TTN: variants seen among roughly 807,000 people sequenced by gnomAD.
TTN encodes the protein connectin.
A neutral mutation model predicts 3,223.0 loss-of-function variants in TTN; 1,525 were observed. That is an observed-to-expected ratio of 0.47 (90% CI 0.45 to 0.49). The LOEUF (loss-of-function observed/expected upper bound fraction) is 0.49. Ranked by LOEUF, TTN falls within the 20% of genes least tolerant of loss-of-function variation. The probability of loss-of-function intolerance (pLI) is 0.00; values close to 1 mark genes in which losing one functional copy is unlikely to be tolerated. For missense variants in TTN, 40,786 were observed against 43,424.0 expected (o/e 0.94, Z 5.40); for synonymous variants, 14,094 against 15,161.0 (o/e 0.93, Z 5.17).
Position 178,616,642 on chromosome 2 carries a change from T to C in TTN, c.48161-12A>G. 6.2e-7 allele frequency: 1 copy of C among 1,611,988 alleles called. No individual in the cohort carries two copies. The highest frequency in any genetic ancestry group is 1.7e-5 in the Admixed American group (1 of 59,820). On this transcript the variant is annotated splice_polypyrimidine_tract_variant and intron_variant, in intron 256 of 362. Transcript: ENST00000589042. Reference sequence around the variant, plus strand: ...TGCACTTGGGCGAGCTGAAAAAAAATGCACTCACGAGTCACTGTTAATAGT... The same window carrying C: ...TGCACTTGGGCGAGCTGAAAAAAAACGCACTCACGAGTCACTGTTAATAGT...
rs1282910964 is a variant in TTN at position 178,667,305 on chromosome 2, T to C, written c.35728A>G (p.Arg11910Gly). The change falls in exon 162 of 363, where the codon AGA (arginine) becomes GGA (glycine). Residue 11910 changes from arginine to glycine, a missense_variant. Arg to Gly is a moderately radical substitution (Grantham distance 125). Coordinates refer to ENST00000589042, the MANE Select transcript of TTN (RefSeq NM_001267550.2). ...GGCTCCACCTCTGGAAAAATGCCTC[T>C]GGTTGTATCAGGTTCTTTAAAGATA... ...TPATKEPDTT[R>G]GIFPEVEPPE... 3 of 1,603,650 alleles carry C rather than the reference T, an allele frequency of 1.9e-6. No homozygotes were observed. The highest frequency in any genetic ancestry group is 2.2e-5 in the East Asian group (1 of 44,654).
Position 178,552,296 on chromosome 2 carries a change from A to AACT in TTN, c.90603_90604insAGT (p.Lys30201_Tyr30202insSer). The AACT allele has an allele frequency of 6.2e-7, 1 of 1,613,042 alleles. No individual in the cohort carries two copies. The highest frequency in any genetic ancestry group is 8.5e-7 in the Non-Finnish European group (1 of 1,179,508). On this transcript the variant is annotated inframe_insertion, in exon 335 of 363. Coordinates refer to ENST00000589042, the MANE Select transcript of TTN (RefSeq NM_001267550.2). The stretch of plus-strand genomic sequence containing the variant: ...ACTGCATTATCAAGAATAACAGTGT[A>AACT]TTTTCCTCCATGCTCCTTCTTGGCA...
chr2:178,558,840 A>T (rs1003996883), intron 326 of TTN: 2 of 547,402 alleles, frequency 3.7e-6, no homozygotes, highest in African/African-American at 2.0e-5. Context: ...ATAGCATTCA[A>T]ATCCAAATTA....
intron 2 of TTN, 27 bp downstream of exon 2, chr2:178,804,525 A>C: frequency 3.1e-6 from 5 of 1,611,824 alleles, no homozygotes; most frequent in Non-Finnish European, 4.2e-6. Context: ...AGGAAAAAAA[A>C]ACAAAAGTGT....
At chr2:178,752,609 C>A (rs1195987565) in intron 47 of TTN, among the ~76,000 whole-genome samples, 1 of 151,908 alleles carries the variant, frequency 6.6e-6, no homozygotes, top group Admixed American at 6.6e-5. Context: ...TATCTGCAAG[C>A]CAGTGTAAGA....
intron 361 of TTN, 89 bp from the exon 362 acceptor site, chr2:178,527,837 A>AAC (rs1281741714): frequency 1.2e-5 from 15 of 1,251,688 alleles, no homozygotes; most frequent in South Asian, 1.6e-5. Context: ...TGGAAACTTC[A>AAC]ACACACACAC....
rs1703365236 is a variant in TTN, at chr2:178,560,804, A to T, written c.85328T>A (p.Val28443Asp). 1.9e-6 allele frequency: 3 copies of T among 1,613,514 alleles called. No homozygotes were observed. The highest frequency in any genetic ancestry group is 1.3e-5 in the African/African-American group (1 of 74,908). The change falls in exon 326 of 363, where the codon GTT (valine) becomes GAT (aspartate). Residue 28443 changes from valine (V) to aspartate (D), a missense_variant. Physicochemically the swap from Val to Asp is radical, Grantham distance 152. Transcript: ENST00000589042. ...AGGCTTATCAAGTACTTTGCAATTAACGGCCACAGACCGAGTGCCGGCAAC... is the reference window on the plus strand; with the variant it reads ...AGGCTTATCAAGTACTTTGCAATTATCGGCCACAGACCGAGTGCCGGCAAC... ...KNVAGTRSVAVNCKVLDKPGP... is the reference protein window; with the variant it reads ...KNVAGTRSVADNCKVLDKPGP...
intron 155 of TTN, 111 bp from the exon 156 acceptor site, chr2:178,671,281 T>A (rs73973134): frequency 9.0e-5 from 62 of 686,020 alleles, no homozygotes; most frequent in Middle Eastern, 4.2e-4. Context: ...TATATTTTTT[T>A]AATTTATAAC....
intron 71 of TTN, chr2:178,724,931 T>C (rs1245647573): frequency 5.2e-6 from 1 of 191,040 alleles, no homozygotes; most frequent in Non-Finnish European, 1.1e-5. Context: ...CTTGGTATTT[T>C]TGCTCTACCT....
At position 178,564,373 on chromosome 2, in the gene TTN, G is replaced by C; in HGVS notation, c.81759C>G (p.Asn27253Lys). The part of the protein sequence containing the change: ...FRVIARNAAG[N>K]FSEPSDSSGA... ...CACTACTATCAGATGGTTCACTAAA[G>C]TTTCCAGCTGCATTTCTTGCAATTA... is the stretch of plus-strand genomic sequence containing the variant. Residue 27253 changes from asparagine (N) to lysine (K), a missense_variant, in exon 326 of 363, where the codon AAC (asparagine) becomes AAG (lysine). Coordinates refer to ENST00000589042, the MANE Select transcript of TTN (RefSeq NM_001267550.2). The C allele has an allele frequency of 2.5e-6, 4 of 1,613,660 alleles. No individual in the cohort carries two copies. Among genetic ancestry groups the C allele is most frequent in the Non-Finnish European group, 2.5e-6 (3 of 1,179,756 alleles).
Position 178,551,937 on chromosome 2 carries a change from C to T in TTN, c.90963G>A (p.Gln30321=). Residue 30321 remains glutamine, a synonymous_variant, in exon 335 of 363, where the codon CAG becomes CAA. Transcript: ENST00000589042. ...TTCCTGGGGGACCAGGAATCCTGAA[C>T]TGGTGTTTTGCCACAATAATGCTTG... is the stretch of plus-strand genomic sequence containing the variant. ...LVSSIIVAKH[Q]FRIPGPPGKP... is the part of the protein sequence containing the mutation. The T allele has an allele frequency of 6.2e-7, 1 of 1,613,396 alleles. No individual in the cohort carries two copies. Among genetic ancestry groups the T allele is most frequent in the South Asian group, 1.1e-5 (1 of 91,052 alleles).
At position 178,538,753 on chromosome 2, in the gene TTN, C is replaced by G. The variant is rs548099841; in HGVS notation, c.99076G>C (p.Gly33026Arg). 6.2e-7 allele frequency: 1 copy of G among 1,613,718 alleles called. No homozygotes were observed. Among genetic ancestry groups the G allele is most frequent in the East Asian group, 2.2e-5 (1 of 44,874 alleles). ...CAGTATCCAAGAATTTCTTTACCACCATCACATTCAGGTTTCTCCCACTGT... is the reference window on the plus strand; with the variant it reads ...CAGTATCCAAGAATTTCTTTACCACGATCACATTCAGGTTTCTCCCACTGT... ...TLQWEKPECD[G>R]GKEILGYWVE... The change falls in exon 354 of 363, where the codon GGT becomes CGT. Residue 33026 changes from glycine (G) to arginine (R), a missense_variant. Physicochemically the swap from Gly to Arg is moderately radical, Grantham distance 125. Coordinates refer to ENST00000589042, the MANE Select transcript of TTN (RefSeq NM_001267550.2).
rs779842474 is a variant in TTN, at chr2:178,548,509, G to T, written c.93117C>A (p.Ala31039=). 2 of 1,613,840 alleles carry T rather than the reference G, an allele frequency of 1.2e-6. No individual in the cohort carries two copies. The highest frequency in any genetic ancestry group is 3.3e-5 in the Admixed American group (2 of 59,998). ...TRGSATLMWD[A]PLLDGGARIH... ...TTCGGGCACCACCGTCAAGAAGAGG[G>T]GCATCCCACATCAATGTAGCAGATC... Residue 31039 remains alanine (A), a synonymous_variant, in exon 339 of 363, where the codon GCC becomes GCA. Transcript: ENST00000589042. This position sits in a 1 kb window ranked among gnomAD's most constrained non-coding sequence, Gnocchi z 4.3.
At chr2:178,640,008 G>A in intron 222 of TTN, 40 bp downstream of exon 222, 1 of 1,605,652 alleles carries the variant, frequency 6.2e-7, no homozygotes, top group Non-Finnish European at 8.5e-7. Flanking sequence ...TGTGAATACA[G>A]AAAGAATATG....
In TTN at chr2:178,563,557, C is replaced by T. The variant is rs11896779; in HGVS notation, c.82575G>A (p.Thr27525=). The part of the protein sequence containing the change: ...RWTKCNKKTL[T]DLRLRVTGLT... The stretch of plus-strand genomic sequence containing the variant: ...GACCAGTTACCCTGAGCCGCAGATC[C>T]GTTAATGTTTTCTTGTTGCACTTGG... The change falls in exon 326 of 363, where the codon ACG becomes ACA. Residue 27525 remains threonine (T), a synonymous_variant. Coordinates refer to ENST00000589042, the MANE Select transcript of TTN (RefSeq NM_001267550.2). The surrounding 1 kb of genome is among the most constrained non-coding windows in gnomAD (Gnocchi z 4.5). 2,758 of 1,613,744 alleles carry T rather than the reference C, an allele frequency of 1.7e-3. 31 individuals carry two copies. The African/African-American group carries it at 0.03, about 18-fold the overall frequency.
At position 178,532,173 on chromosome 2, in the gene TTN, TTC is replaced by T; in HGVS notation, c.104440_104441del (p.Glu34814AsnfsTer2). On this transcript the variant is annotated frameshift_variant, in exon 358 of 363. Coordinates refer to ENST00000589042, the MANE Select transcript of TTN (RefSeq NM_001267550.2). LOFTEE classifies it high-confidence loss of function. ...RRQREVTEIT[E>X]IEEEYEISKH... ...TTGAGATTTCGTATTCTTCCTCAATTTCTGTTATTTCTGTCACTTCTCTTTGT... is the reference window on the plus strand; with the variant it reads ...TTGAGATTTCGTATTCTTCCTCAATTTGTTATTTCTGTCACTTCTCTTTGT... 6.2e-7 allele frequency: 1 copy of T among 1,613,726 alleles called. No homozygotes were observed. Among genetic ancestry groups the T allele is most frequent in the Non-Finnish European group, 8.5e-7 (1 of 1,179,852 alleles).
intron 121 of TTN, among the ~76,000 whole-genome samples, chr2:178,690,820 G>A (rs1270724742): frequency 6.6e-6 from 1 of 151,996 alleles, no homozygotes; most frequent in East Asian, 1.9e-4. Flanking sequence ...ATTATACTAT[G>A]TGTATTTGTT....
chr2:178,613,626 T>C (rs568178034), intron 263 of TTN, 125 bp downstream of exon 263: 5 of 952,608 alleles, frequency 5.2e-6, no homozygotes, highest in Non-Finnish European at 7.4e-6. Context: ...TAATAGAAAA[T>C]ATGAGTAAAA....
In TTN at chr2:178,604,968, A is replaced by C; in HGVS notation, c.54190+19T>G. ...CAGACACTGGATGCCTTTTTGATGTAAGAAAGCAAGTCACTTACCATATAC... is the reference window on the plus strand; with the variant it reads ...CAGACACTGGATGCCTTTTTGATGTCAGAAAGCAAGTCACTTACCATATAC... On this transcript the variant is annotated intron_variant, in intron 280 of 362. Coordinates refer to ENST00000589042, the MANE Select transcript of TTN (RefSeq NM_001267550.2). 6.3e-7 allele frequency: 1 copy of C among 1,587,990 alleles called. No individual in the cohort carries two copies. The highest frequency in any genetic ancestry group is 8.6e-7 in the Non-Finnish European group (1 of 1,165,416).
Sources: gnomAD v4.1 joint callset for allele counts (sites outside exome capture counted in the v4.1 genomes callset) on GRCh38, gnomAD v4.1.1 for gene constraint, Gnocchi (gnomAD v3.1) non-coding constraint, MANE v1.5 for transcripts, NCBI Gene and HGNC (gene_info 2026-07-23, HGNC 2026-07-21) for gene names.